The following BBS7 variants were observed in gnomAD, a reference collection of about 807,000 sequenced individuals.
BBS7 encodes the protein Bardet-Biedl syndrome 7.
Under a neutral mutation model 90.3 loss-of-function variants are expected in BBS7, and 50 were observed. The observed-to-expected ratio is 0.55, with a 90% CI of 0.44 to 0.70. The LOEUF (loss-of-function observed/expected upper bound fraction) is 0.70, where lower values mean the gene tolerates loss of function less well. Ranked by LOEUF, BBS7 falls within the 30% of genes least tolerant of loss-of-function variation. The pLI is 0.00. For synonymous variants in BBS7, 235 were observed against 287.4 expected, an observed-to-expected ratio of 0.82 and a Z score of 1.85; for missense variants, 729 against 838.9, an observed-to-expected ratio of 0.87 and a Z score of 1.62.
chr4:121,841,557 C>A (rs1489373604), intron 12 of BBS7, among the ~76,000 whole-genome samples: 1 of 151,430 alleles, frequency 6.6e-6, no homozygotes, highest in Non-Finnish European at 1.5e-5. Context: ...CACAGTAAGA[C>A]CCCCATCTTT....
In BBS7 at chr4:121,865,277, C is replaced by T. The variant is rs536435246; in HGVS notation, c.103-1998G>A. 1.8e-3 allele frequency among the ~76,000 whole-genome samples: 262 copies of T among 149,604 alleles called. 1 individual carries two copies. The highest frequency in any genetic ancestry group is 6.2e-3 in the African/African-American group (251 of 40,580). ...TTTTGAGACAGAGTTTTGCCCTTGT[C>T]GGCCAGGCTGGAGTGCAAAGGTGCC... On this transcript the variant is annotated intron_variant, in intron 2 of 18. Coordinates refer to ENST00000264499, the MANE Select transcript of BBS7 (RefSeq NM_176824.3).
At chr4:121,845,364 T>A (rs1166509744) in intron 11 of BBS7, 140 bp downstream of exon 11, 2 of 451,592 alleles carry the variant, frequency 4.4e-6, no homozygotes, top group Non-Finnish European at 7.2e-6. Flanking sequence ...TAAAACTCTG[T>A]CTCAAAAAAA....
chr4:121,832,646 G>T (rs1000782095), intron 15 of BBS7, among the ~76,000 whole-genome samples: 10 of 152,256 alleles, frequency 6.6e-5, no homozygotes, highest in Middle Eastern at 3.4e-3. Flanking sequence ...ACAATATAAT[G>T]ACCTCCGCAC....
chr4:121,843,347 T>G (rs1725839386), intron 12 of BBS7, among the ~76,000 whole-genome samples: 1 of 152,108 alleles, frequency 6.6e-6, no homozygotes, highest in Non-Finnish European at 1.5e-5. Context: ...GAGGCAAGAC[T>G]AGAGGCAGAG....
rs769437969 is a variant in BBS7 at position 121,870,314 on chromosome 4, G to A, written c.-1C>T. ...CCATTCGGTTTAAAATCAGATCCAT[G>A]ATGACTACGCGGAGGGGCTAAGCAG... On this transcript the variant is annotated 5_prime_UTR_variant, in exon 1 of 19. Coordinates refer to ENST00000264499, the MANE Select transcript of BBS7 (RefSeq NM_176824.3). The A allele has an allele frequency of 5.6e-6, 9 of 1,614,052 alleles. No individual in the cohort carries two copies. Among genetic ancestry groups the A allele is most frequent in the Non-Finnish European group, 6.8e-6 (8 of 1,180,006 alleles).
chr4:121,841,141 T>C (rs904390356), intron 12 of BBS7, among the ~76,000 whole-genome samples: 1 of 152,090 alleles, frequency 6.6e-6, no homozygotes, highest in Non-Finnish European at 1.5e-5. Context: ...TGCCAAGCCG[T>C]AAATGTGTTC....
Position 121,839,573 on chromosome 4 carries a change from AC to A in BBS7, c.1371+57del, listed in dbSNP as rs1370525455. On this transcript the variant is annotated intron_variant, in intron 13 of 18. Transcript: ENST00000264499. ...AATAATATCATATGTTGTAAGACAT[AC>A]CAGCAGGAAAAAGGAAATTCAAACA... 13 of 1,324,702 alleles carry A rather than the reference AC, an allele frequency of 9.8e-6. No individual in the cohort carries two copies. The African/African-American group carries it at 1.9e-4, about 19-fold the overall frequency. The allele number at this position is 1,324,702 out of a possible 1,614,324, so 82.1% of individuals were successfully genotyped here. A position where few individuals can be genotyped will look rare whatever the true frequency, so the allele number is the denominator to read the frequency against.
intron 5 of BBS7, among the ~76,000 whole-genome samples, chr4:121,856,912 G>T (rs1402058847): frequency 6.6e-6 from 1 of 151,830 alleles, no homozygotes; most frequent in African/African-American, 2.4e-5. Context: ...TGGATTACAG[G>T]TGCAGGCCAC....
chr4:121,849,678 A>C (rs1010727432), intron 8 of BBS7, among the ~76,000 whole-genome samples: 7 of 152,122 alleles, frequency 4.6e-5, no homozygotes, highest in African/African-American at 1.4e-4. Context: ...AATACAAAAA[A>C]AATTAGCCGG....
chr4:121,826,001 G>GA lies in BBS7; in HGVS notation c.2015-9dup, dbSNP rs1578519216. On this transcript the variant is annotated splice_polypyrimidine_tract_variant and intron_variant, in intron 18 of 18. Coordinates refer to ENST00000264499, the MANE Select transcript of BBS7 (RefSeq NM_176824.3). ...AAAGATCAGTGATCATGCCTTTAAA[G>GA]AAAAAACATAAATTTCCTGTCAGTG... is the stretch of plus-strand genomic sequence containing the variant. 2 of 1,585,066 alleles carry GA rather than the reference G, an allele frequency of 1.3e-6. No individual in the cohort carries two copies. The highest frequency in any genetic ancestry group is 1.7e-5 in the Admixed American group (1 of 59,350).
chr4:121,862,998 T>C (rs1252226526), intron 3 of BBS7, among the ~76,000 whole-genome samples: 2 of 152,146 alleles, frequency 1.3e-5, no homozygotes, highest in Admixed American at 6.5e-5. Flanking sequence ...TTACACAGCA[T>C]AGAAAAGTAA....
At chr4:121,867,898 T>C in intron 2 of BBS7, 83 bp downstream of exon 2, 1 of 1,200,752 alleles carries the variant, frequency 8.3e-7, no homozygotes, top group Non-Finnish European at 1.2e-6. Context: ...TTTAAGAGAA[T>C]AACTTAATAA....
rs1472143833 is a variant in BBS7 at position 121,861,761 on chromosome 4, T to C, written c.166-82A>G. The stretch of plus-strand genomic sequence containing the variant: ...TCCTTTACAATAGAAAATGTTATGA[T>C]GTTAAATTTGCAAAATATTATAGTT... On this transcript the variant is annotated intron_variant, in intron 3 of 18. Coordinates refer to ENST00000264499, the MANE Select transcript of BBS7 (RefSeq NM_176824.3). 2.8e-6 allele frequency: 4 copies of C among 1,404,962 alleles called. No homozygotes were observed. The African/African-American group carries it at 5.7e-5, about 20-fold the overall frequency. 87.0% of individuals were successfully genotyped at this position (1,404,962 alleles called of 1,614,324 possible). A position where few individuals can be genotyped will look rare whatever the true frequency, so the allele number is the denominator to read the frequency against.
chr4:121,855,821 T>C (rs111237710), intron 5 of BBS7, among the ~76,000 whole-genome samples: 2 of 151,956 alleles, frequency 1.3e-5, no homozygotes, highest in African/African-American at 4.8e-5. Context: ...CACACATGTA[T>C]ACATATATAC....
chr4:121,846,808 A>G (rs1443293200), intron 10 of BBS7, among the ~76,000 whole-genome samples: 1 of 152,194 alleles, frequency 6.6e-6, no homozygotes, highest in Non-Finnish European at 1.5e-5. Flanking sequence ...ACTCCACAAA[A>G]GGTCAGCATG....
chr4:121,855,458 G>A (rs1237352893), intron 6 of BBS7, 31 bp downstream of exon 6: 2 of 1,578,706 alleles, frequency 1.3e-6, no homozygotes. Context: ...AAAACACATA[G>A]TTGATTTGTG....
At position 121,854,803 on chromosome 4, in the gene BBS7, G is replaced by C; in HGVS notation, c.619C>G (p.Leu207Val). The change falls in exon 7 of 19, where the codon CTT (leucine) becomes GTT (valine). Residue 207 changes from leucine to valine, a missense_variant. Coordinates refer to ENST00000264499, the MANE Select transcript of BBS7 (RefSeq NM_176824.3). ...NGNGGDSGED[L>V]LFGTSDGKLA... Reference sequence around the variant, plus strand: ...TTTCCGTCTGATGTCCCAAACAAAAGGTCTTCTCCAGAGTCACCTACTTAT... The same window carrying C: ...TTTCCGTCTGATGTCCCAAACAAAACGTCTTCTCCAGAGTCACCTACTTAT... 6.2e-7 allele frequency: 1 copy of C among 1,611,762 alleles called. No individual in the cohort carries two copies. The highest frequency in any genetic ancestry group is 8.5e-7 in the Non-Finnish European group (1 of 1,178,630).
At chr4:121,826,807 C>T (rs902946772) in intron 18 of BBS7, among the ~76,000 whole-genome samples, 1 of 152,042 alleles carries the variant, frequency 6.6e-6, no homozygotes, top group Non-Finnish European at 1.5e-5. Context: ...TATGGTGAAA[C>T]CCTGTCTCTA....
chr4:121,827,608 C>T lies in BBS7; in HGVS notation c.2014+538G>A, dbSNP rs192954751. On this transcript the variant is annotated intron_variant, in intron 18 of 18. Coordinates refer to ENST00000264499, the MANE Select transcript of BBS7 (RefSeq NM_176824.3). ...CAAAATTGTTTTTCTTAAGCTGTTT[C>T]TTCCTTCCTCACTCCTTCTTTCCCT... 2.9e-3 allele frequency: 694 copies of T among 238,250 alleles called. 3 individuals are homozygous for T. Among genetic ancestry groups the T allele is most frequent in the Middle Eastern group, 0.016 (8 of 494 alleles). 14.8% of individuals were successfully genotyped at this position (238,250 alleles called of 1,614,324 possible).
Sources: gnomAD v4.1 joint callset for allele counts (sites outside exome capture counted in the v4.1 genomes callset) on GRCh38, gnomAD v4.1.1 for gene constraint, MANE v1.5 for transcripts, NCBI Gene and HGNC (gene_info 2026-07-23, HGNC 2026-07-21) for gene names.